The following PRR33 variants were observed in gnomAD, a reference collection of about 807,000 sequenced individuals.
PRR33 encodes proline rich 33.
In PRR33, 1 loss-of-function variant was observed where a neutral mutation model predicts 0.5. The ratio of observed to expected loss-of-function variants is 2.18; its 90% confidence interval spans 0.77 to 10.34. The LOEUF (loss-of-function observed/expected upper bound fraction) is 10.34, where lower values mean the gene tolerates loss of function less well. PRR33 is among the 30% of genes most tolerant of loss of function. The pLI is 0.13. For missense variants in PRR33, 552 were observed against 251.8 expected, an observed-to-expected ratio of 2.19 and a Z score of -8.07; for synonymous variants, 226 against 110.0, an observed-to-expected ratio of 2.06 and a Z score of -6.60.
chr11:1,898,436 C>T, the PRR33 span, among the ~76,000 whole-genome samples: 1 of 152,030 alleles, frequency 6.6e-6, no homozygotes, highest in Non-Finnish European at 1.5e-5. Flanking sequence ...AGGGTTTTGC[C>T]GTGTTGGCCA....
exon 1 of PRR33, chr11:1,889,788 A>G (rs932547963): frequency 1.7e-5 from 11 of 646,480 alleles, no homozygotes; most frequent in Non-Finnish European, 3.1e-5. Flanking sequence ...GGGCACCACA[A>G]CCCTGGCACT....
the PRR33 span, among the ~76,000 whole-genome samples, chr11:1,902,003 C>G: frequency 1.3e-5 from 2 of 152,018 alleles, no homozygotes; most frequent in Non-Finnish European, 2.9e-5. Flanking sequence ...GAGGCCGAGG[C>G]GGGTGGATCA....
chr11:1,893,453 A>C (rs765011039), upstream of PRR33, among the ~76,000 whole-genome samples: 113 of 112,310 alleles, frequency 1.0e-3, no homozygotes, highest in East Asian at 4.0e-3. Flanking sequence ...GGCTGGCTGG[A>C]TGGATGGATG....
chr11:1,906,367 T>G, the PRR33 span, among the ~76,000 whole-genome samples: 1 of 152,174 alleles, frequency 6.6e-6, no homozygotes, highest in Non-Finnish European at 1.5e-5. Flanking sequence ...ACTTGGGTTT[T>G]TAGTTGTTAG....
the PRR33 span, among the ~76,000 whole-genome samples, chr11:1,915,949 CG>C: frequency 7.2e-6 from 1 of 138,428 alleles, no homozygotes; most frequent in Non-Finnish European, 1.6e-5. Context: ...GGATGGATGG[CG>C]GGAGGGATAG....
chr11:1,911,883 G>A, the PRR33 span, among the ~76,000 whole-genome samples: 4 of 151,652 alleles, frequency 2.6e-5, no homozygotes, highest in East Asian at 1.9e-4. Flanking sequence ...CCCCGAGGCC[G>A]GGAATGGTGG....
the PRR33 span, among the ~76,000 whole-genome samples, chr11:1,913,170 G>A: frequency 8.6e-3 from 1,302 of 151,522 alleles, 8 homozygotes; most frequent in Non-Finnish European, 0.013. Context: ...TCGCTCTGTC[G>A]CCCAGGCTGG....
the PRR33 span, among the ~76,000 whole-genome samples, chr11:1,905,086 T>G: frequency 1.3e-5 from 2 of 151,722 alleles, no homozygotes; most frequent in African/African-American, 2.4e-5. Context: ...TTTTCTATTT[T>G]CCTTAAGCTG....
At chr11:1,913,355 C>T in the PRR33 span, among the ~76,000 whole-genome samples, 1 of 151,466 alleles carries the variant, frequency 6.6e-6, no homozygotes, top group Non-Finnish European at 1.5e-5. Context: ...CGTGTGTTAG[C>T]CAGGCTGGTC....
the PRR33 span, among the ~76,000 whole-genome samples, chr11:1,909,036 A>C: frequency 1.3e-5 from 2 of 152,132 alleles, no homozygotes; most frequent in Non-Finnish European, 2.9e-5. Flanking sequence ...CTATGCCAGT[A>C]GGCATAAATA....
At chr11:1,913,333 A>G in the PRR33 span, among the ~76,000 whole-genome samples, 2 of 145,164 alleles carry the variant, frequency 1.4e-5, no homozygotes, top group South Asian at 4.4e-4. Context: ...TTTAGTAGAG[A>G]CGGGGTTTCA....
At chr11:1,912,459 TC>T in the PRR33 span, among the ~76,000 whole-genome samples, 2 of 152,234 alleles carry the variant, frequency 1.3e-5, no homozygotes. Flanking sequence ...TTTATGGGAT[TC>T]TTTCACCACA....
At chr11:1,905,323 C>T in the PRR33 span, among the ~76,000 whole-genome samples, 3 of 151,422 alleles carry the variant, frequency 2.0e-5, no homozygotes. Flanking sequence ...AACAGGTTTT[C>T]GCCATGTTGG....
At chr11:1,917,298 T>A in the PRR33 span, among the ~76,000 whole-genome samples, 1 of 152,100 alleles carries the variant, frequency 6.6e-6, no homozygotes, top group South Asian at 2.1e-4. Flanking sequence ...GGGACCTAGA[T>A]TGAGGGGCCC....
chr11:1,911,323 TC>T, the PRR33 span, among the ~76,000 whole-genome samples: 71 of 150,244 alleles, frequency 4.7e-4, no homozygotes, highest in Non-Finnish European at 2.8e-4. Flanking sequence ...GCGCCTGTAA[TC>T]CCAGCTACTA....
At chr11:1,895,620 C>T (rs1221076095), upstream of PRR33, among the ~76,000 whole-genome samples, 2 of 152,096 alleles carry the variant, frequency 1.3e-5, no homozygotes, top group East Asian at 1.9e-4. Flanking sequence ...AAATCTTTGC[C>T]TTATCCAGAG....
At chr11:1,909,429 G>A in the PRR33 span, among the ~76,000 whole-genome samples, 2 of 152,082 alleles carry the variant, frequency 1.3e-5, no homozygotes, top group South Asian at 2.1e-4. Flanking sequence ...TAGCCAACAC[G>A]GTGAAACCCC....
At chr11:1,905,779 G>C in the PRR33 span, among the ~76,000 whole-genome samples, 9 of 151,826 alleles carry the variant, frequency 5.9e-5, no homozygotes, top group Admixed American at 5.9e-4. Context: ...CTTACAGGCA[G>C]CACAGAGTTG....
the PRR33 span, chr11:1,902,661 G>A: frequency 6.6e-6 from 1 of 152,058 alleles, no homozygotes; most frequent in Admixed American, 6.6e-5. Flanking sequence ...ACAGGAGAGG[G>A]GTCCTGATCC....
Sources: gnomAD v4.1 joint callset for allele counts (sites outside exome capture counted in the v4.1 genomes callset) on GRCh38, gnomAD v4.1.1 for gene constraint, MANE v1.5 for transcripts, NCBI Gene and HGNC (gene_info 2026-07-23, HGNC 2026-07-21) for gene names.